EPHB1: variants seen among roughly 807,000 people sequenced by gnomAD.
EPHB1 encodes the protein EPH receptor B1.
Under a neutral mutation model 94.4 loss-of-function variants are expected in EPHB1, and 30 were observed. The observed-to-expected ratio is 0.32, with a 90% confidence interval of 0.24 to 0.43. The LOEUF is 0.43. EPHB1 is among the 20% of genes least tolerant of loss of function. The pLI is 1.00. For synonymous variants in EPHB1, 522 were observed against 489.1 expected (o/e 1.07, Z -0.89); for missense variants, 1,055 against 1,308.3 (o/e 0.81, Z 2.99).
At chr3:135,116,567 C>G (rs1228314992) in intron 4 of EPHB1, among the ~76,000 whole-genome samples, 2 of 152,186 alleles carry the variant, frequency 1.3e-5, no homozygotes, top group Non-Finnish European at 2.9e-5. Context: ...GTGGTGGTCA[C>G]TTTTCAGAGT....
chr3:135,097,268 G>C (rs1311379812), intron 3 of EPHB1, among the ~76,000 whole-genome samples: 1 of 149,204 alleles, frequency 6.7e-6, no homozygotes, highest in African/African-American at 2.5e-5. Context: ...AAAACACCTG[G>C]GCTTGCTTTA....
intron 1 of EPHB1, among the ~76,000 whole-genome samples, chr3:134,890,215 C>T (rs1560283681): frequency 1.3e-5 from 2 of 152,120 alleles, no homozygotes; most frequent in African/African-American, 2.4e-5. Context: ...GCATGTGAAC[C>T]TAAGCAAAAC....
At position 135,106,571 on chromosome 3, in the gene EPHB1, C is replaced by T. The variant is rs754794729; in HGVS notation, c.929C>T (p.Ala310Val). 3.7e-6 allele frequency: 6 copies of T among 1,613,914 alleles called. No individual in the cohort carries two copies. Among genetic ancestry groups the T allele is most frequent in the African/African-American group, 1.3e-5 (1 of 74,940 alleles). Residue 310 changes from alanine (A) to valine (V), a missense_variant, in exon 4 of 16, where the codon GCG (alanine) becomes GTG (valine). Transcript: ENST00000398015. Reference sequence around the variant, plus strand: ...ACCTGTCGGACCGGTTATTACCGAGCGGACTTTGACCCTCCAGAAGTGGCA... The same window carrying T: ...ACCTGTCGGACCGGTTATTACCGAGTGGACTTTGACCCTCCAGAAGTGGCA... Reference protein sequence around the residue: ...ICTCRTGYYRADFDPPEVACT... With the variant: ...ICTCRTGYYRVDFDPPEVACT...
chr3:135,258,998 C>T lies in EPHB1; in HGVS notation c.2847-14C>T. The T allele has an allele frequency of 6.3e-7, 1 of 1,587,106 alleles. No homozygotes were observed. On this transcript the variant is annotated splice_polypyrimidine_tract_variant and intron_variant, in intron 15 of 15. Coordinates refer to ENST00000398015, the MANE Select transcript of EPHB1 (RefSeq NM_004441.5). ...AACACTAAAGTGACTTCTTTTCTGG[C>T]TCTTTCCTCCTAGAGACCTCCTGAG...
intron 4 of EPHB1, among the ~76,000 whole-genome samples, chr3:135,118,443 G>A (rs1939802464): frequency 6.6e-6 from 1 of 152,168 alleles, no homozygotes; most frequent in South Asian, 2.1e-4. Flanking sequence ...ATTACAACTG[G>A]TTCCAATTTA....
intron 3 of EPHB1, among the ~76,000 whole-genome samples, chr3:135,030,768 T>C (rs368534410): frequency 6.6e-6 from 1 of 152,204 alleles, no homozygotes; most frequent in African/African-American, 2.4e-5. Flanking sequence ...CAAGCTTCCC[T>C]GCTGCTTTGT....
intron 3 of EPHB1, among the ~76,000 whole-genome samples, chr3:135,095,304 G>A (rs754840859): frequency 1.6e-4 from 24 of 152,252 alleles, no homozygotes; most frequent in South Asian, 4.2e-4. Context: ...ACCCAACCCC[G>A]TGCCTGGCAT....
At chr3:134,911,304 G>T (rs1483933705) in intron 1 of EPHB1, among the ~76,000 whole-genome samples, 2 of 152,214 alleles carry the variant, frequency 1.3e-5, no homozygotes, top group African/African-American at 4.8e-5. Context: ...CCACAGAAAA[G>T]GCAGCACAGA....
At chr3:135,244,648 G>C (rs892347468) in intron 13 of EPHB1, among the ~76,000 whole-genome samples, 3 of 152,188 alleles carry the variant, frequency 2.0e-5, no homozygotes, top group Non-Finnish European at 4.4e-5. Flanking sequence ...ATACCTGCTA[G>C]TGAGGCAAGT....
At chr3:135,123,637 G>A (rs184890287) in intron 4 of EPHB1, among the ~76,000 whole-genome samples, 234 of 152,244 alleles carry the variant, frequency 1.5e-3, no homozygotes, top group Non-Finnish European at 2.7e-3. Flanking sequence ...ATATGCCTCC[G>A]CTAGTGACTG....
chr3:134,919,841 G>GGTGT (rs10663205), intron 1 of EPHB1, among the ~76,000 whole-genome samples: 10,444 of 149,700 alleles, frequency 0.07, 620 homozygotes, highest in Admixed American at 0.2. Flanking sequence ...TTAGGGCAGG[G>GGTGT]GTGTGTGTGT....
At chr3:134,984,752 G>T (rs927264183) in intron 3 of EPHB1, among the ~76,000 whole-genome samples, 1 of 152,192 alleles carries the variant, frequency 6.6e-6, no homozygotes, top group Admixed American at 6.5e-5. Context: ...AGCAGATCCA[G>T]GTATGTGCCT....
intron 3 of EPHB1, among the ~76,000 whole-genome samples, chr3:135,024,275 T>A (rs1427200489): frequency 2.0e-5 from 3 of 152,208 alleles, no homozygotes; most frequent in Non-Finnish European, 4.4e-5. Flanking sequence ...CTCAAGAGAC[T>A]CGGGAAAAAT....
intron 10 of EPHB1, among the ~76,000 whole-genome samples, chr3:135,189,201 G>A (rs553056821): frequency 2.0e-5 from 3 of 152,102 alleles, no homozygotes; most frequent in Admixed American, 2.0e-4. Context: ...CATCTATAAA[G>A]TCCATACTAT....
At chr3:135,120,062 A>G (rs1196633384) in intron 4 of EPHB1, among the ~76,000 whole-genome samples, 2 of 152,178 alleles carry the variant, frequency 1.3e-5, no homozygotes, top group Non-Finnish European at 2.9e-5. Context: ...GTCTCTGTAT[A>G]TTATTCATTC....
At chr3:135,039,756 A>G (rs1936773477) in intron 3 of EPHB1, among the ~76,000 whole-genome samples, 1 of 152,116 alleles carries the variant, frequency 6.6e-6, no homozygotes, top group African/African-American at 2.4e-5. Flanking sequence ...CCCACCCGGA[A>G]CTCAAGCTGG....
chr3:135,008,558 G>A (rs1005821352), intron 3 of EPHB1, among the ~76,000 whole-genome samples: 2 of 152,198 alleles, frequency 1.3e-5, no homozygotes, highest in African/African-American at 4.8e-5. Flanking sequence ...TTTGAAACAC[G>A]CTAGGGATTC....
rs1323208343 is a variant in EPHB1 at position 135,004,579 on chromosome 3, A to G, written c.805+52527A>G. 3.3e-5 allele frequency among the ~76,000 whole-genome samples: 5 copies of G among 152,032 alleles called. No homozygotes were observed. The East Asian group carries it at 7.7e-4, about 24-fold the overall frequency. On this transcript the variant is annotated intron_variant, in intron 3 of 15. Coordinates refer to ENST00000398015, the MANE Select transcript of EPHB1 (RefSeq NM_004441.5). ...TTTCCAACTTGGTTCCATTCTCCCC[A>G]TCACTTTCAGGTATACCAATCAGAG...
intron 12 of EPHB1, among the ~76,000 whole-genome samples, chr3:135,230,470 C>T (rs571364587): frequency 2.6e-5 from 4 of 152,110 alleles, no homozygotes; most frequent in South Asian, 2.1e-4. Flanking sequence ...CCAGAGCACT[C>T]ACTTCAGGAA....
Sources: gnomAD v4.1 joint callset for allele counts (sites outside exome capture counted in the v4.1 genomes callset) on GRCh38, gnomAD v4.1.1 for gene constraint, MANE v1.5 for transcripts, NCBI Gene and HGNC (gene_info 2026-07-23, HGNC 2026-07-21) for gene names.